Variants in SLC7A9 observed in about 807,000 individuals in gnomAD.
The protein encoded by SLC7A9 is B(0,+)-type amino acid transporter 1.
A neutral mutation model predicts 54.1 loss-of-function variants in SLC7A9; 38 were observed. That is an observed-to-expected ratio of 0.70 (90% CI 0.54 to 0.92). The LOEUF is 0.92. SLC7A9 is among the 40% of genes least tolerant of loss of function. SLC7A9 has a pLI of 0.00. For missense variants in SLC7A9, 537 were observed against 636.1 expected (o/e 0.84, Z 1.68); for synonymous variants, 264 against 258.9 (o/e 1.02, Z -0.19).
At position 32,855,867 on chromosome 19, in the gene SLC7A9, C is replaced by T. The variant is rs1968613285; in HGVS notation, c.977+2573G>A. Among the ~76,000 whole-genome samples, 3 of 152,274 alleles carry T rather than the reference C, an allele frequency of 2.0e-5. No homozygotes were observed. In the South Asian group the frequency reaches 6.2e-4, roughly 32 times the overall value. ...TCTCTTGCTGACCTGCTCATTGCAC[C>T]CTTGCAATGTATTTTCCTACTTTCT... On this transcript the variant is annotated intron_variant, in intron 9 of 12. Coordinates refer to ENST00000023064, the MANE Select transcript of SLC7A9 (RefSeq NM_014270.5).
At position 32,859,813 on chromosome 19, in the gene SLC7A9, C is replaced by T. The variant is rs372580873; in HGVS notation, c.873+28G>A. ...TACCCCTTCCCACAAGCCACAGCCC[C>T]CGCCAGCAGCGATGCCCGGGCACTC... is the stretch of plus-strand genomic sequence containing the variant. On this transcript the variant is annotated intron_variant, in intron 8 of 12. Transcript: ENST00000023064. The T allele has an allele frequency of 1.0e-4, 159 of 1,586,084 alleles. 1 individual carries two copies. In the Admixed American group the frequency reaches 1.2e-3, roughly 12 times the overall value.
chr19:32,864,175 G>C lies in SLC7A9; in HGVS notation c.399C>G (p.Ser133=). 2 of 1,614,048 alleles carry C rather than the reference G, an allele frequency of 1.2e-6. No individual in the cohort carries two copies. Among genetic ancestry groups the C allele is most frequent in the Non-Finnish European group, 1.7e-6 (2 of 1,179,970 alleles). Residue 133 remains serine, a synonymous_variant, in exon 4 of 13, where the codon TCC becomes TCG. Coordinates refer to ENST00000023064, the MANE Select transcript of SLC7A9 (RefSeq NM_014270.5). ...CATAGAAGGGCGCACACACATACTC[G>C]GAGAAGCTGAGGCAGATGATGGCGA... ...TSFAIICLSF[S]EYVCAPFYVG... is the part of the protein sequence containing the mutation.
rs754394003 is a variant in SLC7A9 at position 32,830,588 on chromosome 19, T to A, written c.*32A>T. 6.5e-7 allele frequency: 1 copy of A among 1,542,870 alleles called. No individual in the cohort carries two copies. Among genetic ancestry groups the A allele is most frequent in the Non-Finnish European group, 9.0e-7 (1 of 1,115,230 alleles). ...ACAAATATTGCTTAAGAAAATAAAT[T>A]CAGCTGACTTGGCTACAAGAGACGG... On this transcript the variant is annotated 3_prime_UTR_variant, in exon 13 of 13. Coordinates refer to ENST00000023064, the MANE Select transcript of SLC7A9 (RefSeq NM_014270.5).
chr19:32,850,827 G>T (rs1200234856), intron 9 of SLC7A9, among the ~76,000 whole-genome samples: 3 of 152,082 alleles, frequency 2.0e-5, no homozygotes, highest in South Asian at 2.1e-4. Flanking sequence ...AAAACAGAGA[G>T]ATACATCAAT....
In SLC7A9 at chr19:32,858,431, G is replaced by A. The variant is rs779732979; in HGVS notation, c.977+9C>T. 1 of 1,603,690 alleles carries A rather than the reference G, an allele frequency of 6.2e-7. No homozygotes were observed. The highest frequency in any genetic ancestry group is 8.5e-7 in the Non-Finnish European group (1 of 1,171,998). On this transcript the variant is annotated intron_variant, in intron 9 of 12. Coordinates refer to ENST00000023064, the MANE Select transcript of SLC7A9 (RefSeq NM_014270.5). ...GTCCACCCTGGGAGTGACGGTGGGGGTCCCCTACCTGCCCGCTGTGAAGCA... is the reference window on the plus strand; with the variant it reads ...GTCCACCCTGGGAGTGACGGTGGGGATCCCCTACCTGCCCGCTGTGAAGCA...
At chr19:32,853,422 G>T (rs1201837465) in intron 9 of SLC7A9, among the ~76,000 whole-genome samples, 1 of 152,108 alleles carries the variant, frequency 6.6e-6, no homozygotes, top group Admixed American at 6.6e-5. Context: ...TACAAAGGGT[G>T]AGTTTTATAT....
chr19:32,842,098 A>AT (rs772208101), intron 11 of SLC7A9, 70 bp downstream of exon 11: 13 of 1,477,702 alleles, frequency 8.8e-6, no homozygotes, highest in Non-Finnish European at 1.2e-5. Context: ...TGCCCCTAGC[A>AT]TTTGAAAGAG....
intron 1 of SLC7A9, among the ~76,000 whole-genome samples, chr19:32,868,952 T>C (rs1969059538): frequency 6.6e-6 from 1 of 151,590 alleles, no homozygotes; most frequent in African/African-American, 2.4e-5. Context: ...CTCAGGTCTG[T>C]AATCCCAGCA....
At chr19:32,839,037 C>T (rs1599655034) in intron 11 of SLC7A9, among the ~76,000 whole-genome samples, 1 of 152,072 alleles carries the variant, frequency 6.6e-6, no homozygotes, top group African/African-American at 2.4e-5. Flanking sequence ...AAAGTGGCTT[C>T]CTTATTGGCA....
chr19:32,860,475 A>G, intron 7 of SLC7A9, 131 bp downstream of exon 7: 1 of 1,520,202 alleles, frequency 6.6e-7, no homozygotes, highest in Non-Finnish European at 8.8e-7. Context: ...TGTCTCAAAA[A>G]AAAAAAAAAA....
Position 32,843,939 on chromosome 19 carries a change from C to G in SLC7A9, c.990G>C (p.Val330=). Residue 330 remains valine, a synonymous_variant, in exon 10 of 13, where the codon GTG becomes GTC. Transcript: ENST00000023064. ...TGAGCATGTGACCCTCCCGGCCCGC[C>G]ACGTAAATGAGTCTGGAAAATAACG... The part of the protein sequence containing the change: ...TCFTAGRLIY[V]AGREGHMLKV... 10 of 1,613,432 alleles carry G rather than the reference C, an allele frequency of 6.2e-6. No individual in the cohort carries two copies. The highest frequency in any genetic ancestry group is 8.5e-6 in the Non-Finnish European group (10 of 1,179,740).
intron 10 of SLC7A9, 39 bp from the exon 11 acceptor site, chr19:32,842,356 A>C: frequency 6.3e-7 from 1 of 1,587,368 alleles, no homozygotes; most frequent in Non-Finnish European, 8.6e-7. Flanking sequence ...TCATTACTAC[A>C]AAACACTGTT....
At chr19:32,845,619 A>G (rs1387635781) in intron 9 of SLC7A9, among the ~76,000 whole-genome samples, 2 of 152,276 alleles carry the variant, frequency 1.3e-5, no homozygotes, top group African/African-American at 4.8e-5. Flanking sequence ...TGATGATCAT[A>G]TAAAAATCTA....
intron 5 of SLC7A9, 28 bp from the exon 6 acceptor site, chr19:32,862,245 G>A (rs377198114): frequency 1.4e-5 from 22 of 1,567,386 alleles, no homozygotes; most frequent in South Asian, 6.7e-5. Flanking sequence ...AGTGAACGGC[G>A]GGTGTCAACC....
intron 11 of SLC7A9, among the ~76,000 whole-genome samples, chr19:32,834,473 T>C (rs2145795944): frequency 6.6e-6 from 1 of 151,988 alleles, no homozygotes; most frequent in South Asian, 2.1e-4. Context: ...CTACTAAAAA[T>C]ACAAAAATTA....
intron 12 of SLC7A9, 191 bp downstream of exon 12, chr19:32,832,958 G>A: frequency 1.6e-6 from 1 of 642,350 alleles, no homozygotes; most frequent in South Asian, 1.8e-5. Context: ...TACAGTAATT[G>A]ACAGGAACAA....
intron 11 of SLC7A9, among the ~76,000 whole-genome samples, chr19:32,837,410 G>T (rs774676246): frequency 1.3e-5 from 2 of 149,872 alleles, no homozygotes; most frequent in Non-Finnish European, 1.5e-5. Context: ...TGGGAGGATC[G>T]CTTGAGCCTG....
chr19:32,867,823 T>C (rs1321959317), intron 2 of SLC7A9, among the ~76,000 whole-genome samples: 1 of 146,410 alleles, frequency 6.8e-6, no homozygotes, highest in Non-Finnish European at 1.5e-5. Flanking sequence ...CACATGCCTG[T>C]AGTCCCAGCT....
intron 5 of SLC7A9, 38 bp from the exon 6 acceptor site, chr19:32,862,255 C>A: frequency 6.5e-7 from 1 of 1,538,622 alleles, no homozygotes. Context: ...GGGTGTCAAC[C>A]GGGCAGATCT....
Sources: allele counts gnomAD v4.1 joint callset (sites outside exome capture counted in the v4.1 genomes callset), GRCh38; gene constraint gnomAD v4.1.1; transcripts MANE v1.5; gene names NCBI Gene and HGNC (gene_info 2026-07-23, HGNC 2026-07-21).